The following THSD7B variants were observed in gnomAD, a reference collection of about 807,000 sequenced individuals.
THSD7B encodes thrombospondin type 1 domain containing 7B, also known as thrombospondin type-1 domain-containing protein 7B.
Under a neutral mutation model 213.6 loss-of-function variants are expected in THSD7B, and 138 were observed. The ratio of observed to expected loss-of-function variants is 0.65; its 90% CI spans 0.56 to 0.74. The LOEUF is 0.74. THSD7B is among the 30% of genes least tolerant of loss of function. The probability of loss-of-function intolerance (pLI) is 0.00; values close to 1 mark genes in which losing one functional copy is unlikely to be tolerated. For missense variants in THSD7B, 1,931 were observed against 1,991.5 expected, an observed-to-expected ratio of 0.97 and a Z score of 0.58; for synonymous variants, 742 against 687.0, an observed-to-expected ratio of 1.08 and a Z score of -1.25.
chr2:136,819,927 T>C lies in THSD7B; in HGVS notation c.-36+54240T>C, dbSNP rs576252396. Among the ~76,000 whole-genome samples, 86 of 152,246 alleles carry C rather than the reference T, an allele frequency of 5.6e-4. 3 individuals carry two copies. In the South Asian group the frequency reaches 0.018, roughly 31 times the overall value. ...GGCACCTCAGGCCATTTGCATTTGC[T>C]AGGCCTAATGTCTGGAAAGCTCTCC... On this transcript the variant is annotated intron_variant, in intron 1 of 27. Coordinates refer to ENST00000409968, the MANE Select transcript of THSD7B (RefSeq NM_001316349.2).
intron 2 of THSD7B, among the ~76,000 whole-genome samples, chr2:136,905,218 C>G (rs879726713): frequency 6.6e-6 from 1 of 152,150 alleles, no homozygotes. Context: ...TGAAATCCTA[C>G]CCAACTCTAC....
intron 17 of THSD7B, among the ~76,000 whole-genome samples, chr2:137,594,231 A>G (rs1418636486): frequency 6.6e-6 from 1 of 151,936 alleles, no homozygotes; most frequent in Non-Finnish European, 1.5e-5. Flanking sequence ...GCCACTAGTT[A>G]CTTACCAGCT....
At chr2:137,494,476 C>T (rs1679513842) in intron 15 of THSD7B, among the ~76,000 whole-genome samples, 1 of 152,000 alleles carries the variant, frequency 6.6e-6, no homozygotes, top group Non-Finnish European at 1.5e-5. Flanking sequence ...AGATCCTGTA[C>T]CCTAGTCAGA....
chr2:137,332,720 T>G (rs568199539), intron 12 of THSD7B, among the ~76,000 whole-genome samples: 45 of 152,108 alleles, frequency 3.0e-4, no homozygotes, highest in Non-Finnish European at 6.2e-4. Context: ...AATTGAATCA[T>G]GGGGGCAGTT....
At chr2:136,808,812 T>C (rs987395320) in intron 1 of THSD7B, among the ~76,000 whole-genome samples, 1 of 152,254 alleles carries the variant, frequency 6.6e-6, no homozygotes, top group Non-Finnish European at 1.5e-5. Context: ...CTTTTACAGA[T>C]CTGTCCCCTT....
At chr2:137,372,684 T>TTTTTA (rs1305878186) in intron 12 of THSD7B, among the ~76,000 whole-genome samples, 16 of 151,874 alleles carry the variant, frequency 1.1e-4, no homozygotes, top group African/African-American at 1.7e-4. Context: ...GCCAGGGTTC[T>TTTTTA]TTTTATTTTA....
chr2:137,030,711 A>T (rs1686648830), intron 2 of THSD7B, among the ~76,000 whole-genome samples: 3 of 152,168 alleles, frequency 2.0e-5, no homozygotes, highest in African/African-American at 7.2e-5. Context: ...TGGAAGTGGC[A>T]GCTAAGCTAT....
At chr2:136,794,854 G>T (rs11903180) in intron 1 of THSD7B, among the ~76,000 whole-genome samples, 5,404 of 151,914 alleles carry the variant, frequency 0.036, 309 homozygotes, top group African/African-American at 0.12. Flanking sequence ...GATTAAAAAA[G>T]AATTAGGATA....
chr2:137,617,153 T>G (rs1682402914), intron 18 of THSD7B, among the ~76,000 whole-genome samples: 1 of 152,204 alleles, frequency 6.6e-6, no homozygotes, highest in African/African-American at 2.4e-5. Flanking sequence ...CCTGGTGTAT[T>G]TGTCCTTTTT....
chr2:137,474,009 T>C (rs1345493324), intron 15 of THSD7B, among the ~76,000 whole-genome samples: 1 of 152,188 alleles, frequency 6.6e-6, no homozygotes, highest in Non-Finnish European at 1.5e-5. Context: ...GAGAAACAAC[T>C]GTAGAATTTG....
chr2:137,408,801 A>G (rs112018813), intron 13 of THSD7B, among the ~76,000 whole-genome samples: 2 of 152,236 alleles, frequency 1.3e-5, no homozygotes, highest in African/African-American at 4.8e-5. Flanking sequence ...AGCCAGCAAC[A>G]TTGCATTTCT....
chr2:136,774,946 A>G (rs373231349), intron 1 of THSD7B, among the ~76,000 whole-genome samples: 2 of 152,168 alleles, frequency 1.3e-5, no homozygotes, highest in African/African-American at 4.8e-5. Context: ...AGCTATATGA[A>G]TAAATTCAAA....
intron 16 of THSD7B, among the ~76,000 whole-genome samples, chr2:137,568,592 C>T (rs563025007): frequency 8.5e-5 from 13 of 152,188 alleles, no homozygotes; most frequent in African/African-American, 3.1e-4. Context: ...AGGAAACTTA[C>T]AATCATGGTG....
At chr2:136,824,978 C>A (rs1226640827) in intron 1 of THSD7B, among the ~76,000 whole-genome samples, 1 of 152,100 alleles carries the variant, frequency 6.6e-6, no homozygotes, top group East Asian at 1.9e-4. Context: ...CCTGGGGATG[C>A]CATGAAACTG....
At chr2:137,288,133 A>G (rs957436196) in intron 12 of THSD7B, among the ~76,000 whole-genome samples, 7 of 152,054 alleles carry the variant, frequency 4.6e-5, no homozygotes, top group Non-Finnish European at 8.8e-5. Context: ...GAACAGAAGG[A>G]CTAACACTCT....
chr2:137,068,292 G>A (rs1028286656), intron 3 of THSD7B, among the ~76,000 whole-genome samples: 2 of 152,004 alleles, frequency 1.3e-5, no homozygotes, highest in Non-Finnish European at 2.9e-5. Context: ...TTGAACCAAA[G>A]CATTTTTCTT....
chr2:137,588,140 G>A (rs866195037), intron 17 of THSD7B, among the ~76,000 whole-genome samples: 1 of 152,178 alleles, frequency 6.6e-6, no homozygotes, highest in Non-Finnish European at 1.5e-5. Context: ...AGCCAGGCAC[G>A]GGATATAATC....
At chr2:137,388,844 A>T (rs1558779609) in intron 12 of THSD7B, among the ~76,000 whole-genome samples, 3 of 152,034 alleles carry the variant, frequency 2.0e-5, no homozygotes, top group Admixed American at 6.6e-5. Flanking sequence ...AAATGAGAAG[A>T]TTTAATTATA....
intron 7 of THSD7B, among the ~76,000 whole-genome samples, chr2:137,172,808 T>C (rs999570638): frequency 6.6e-6 from 1 of 152,146 alleles, no homozygotes; most frequent in Non-Finnish European, 1.5e-5. Context: ...ACCTGTGGGA[T>C]CTAATGCTAA....
Sources: gnomAD v4.1 joint callset for allele counts (sites outside exome capture counted in the v4.1 genomes callset) on GRCh38, gnomAD v4.1.1 for gene constraint, MANE v1.5 for transcripts, NCBI Gene and HGNC (gene_info 2026-07-23, HGNC 2026-07-21) for gene names.